The following DDX39B variants were observed in gnomAD, a reference collection of about 807,000 sequenced individuals.
DDX39B encodes the protein spliceosome RNA helicase DDX39B.
A neutral mutation model predicts 46.4 loss-of-function variants in DDX39B; 6 were observed. That is an observed-to-expected ratio of 0.13 (90% CI 0.07 to 0.26). DDX39B has a LOEUF of 0.26. DDX39B is among the 10% of genes least tolerant of loss of function. The probability of loss-of-function intolerance (pLI) is 1.00; values close to 1 mark genes in which losing one functional copy is unlikely to be tolerated. For missense variants in DDX39B, 185 were observed against 553.4 expected (o/e 0.33, Z 6.68); for synonymous variants, 174 against 199.4 (o/e 0.87, Z 1.07).
rs935322154 is a variant in DDX39B, at chr6:31,541,393, T to C, written c.-133+557A>G. 8.9e-5 allele frequency: 33 copies of C among 371,910 alleles called. 1 individual carries two copies. The East Asian group carries it at 2.4e-3, about 27-fold the overall frequency. The allele number at this position is 371,910 out of a possible 1,614,324, so 23.0% of individuals were successfully genotyped here. A position where few individuals can be genotyped will look rare whatever the true frequency, so the allele number is the denominator to read the frequency against. ...CCCGCCCAGGCTTTAACAGGATCTT[T>C]ACCAAGTGGTCTCACATCACTGTTA... On this transcript the variant is annotated intron_variant, in intron 1 of 10. Transcript: ENST00000396172.
chr6:31,530,334 TG>T lies in DDX39B; in HGVS notation c.*99del. 1 of 1,340,740 alleles carries T rather than the reference TG, an allele frequency of 7.5e-7. No individual in the cohort carries two copies. Among genetic ancestry groups the T allele is most frequent in the Non-Finnish European group, 1.0e-6 (1 of 976,850 alleles). The allele number at this position is 1,340,740 out of a possible 1,614,324, so 83.1% of individuals were successfully genotyped here. On this transcript the variant is annotated 3_prime_UTR_variant, in exon 11 of 11. Coordinates refer to ENST00000396172, the MANE Select transcript of DDX39B (RefSeq NM_004640.7). This position sits in a 1 kb window ranked among gnomAD's most constrained non-coding sequence, Gnocchi z 4.5. ...GATGCAAAAGATGGAAGCCATGGGG[TG>T]GGGGCTGTCAGGGGTGGGGGCAGTA...
At position 31,532,909 on chromosome 6, in the gene DDX39B, T is replaced by C; in HGVS notation, c.738A>G (p.Pro246=). 3.9e-6 allele frequency: 2 copies of C among 510,588 alleles called. No homozygotes were observed. Among genetic ancestry groups the C allele is most frequent in the Non-Finnish European group, 6.3e-6 (2 of 316,316 alleles). 31.6% of individuals were successfully genotyped at this position (510,588 alleles called of 1,614,324 possible). ...TCTCATCATCCACGAAGATCTCCAT[T>C]GGCTGGGGGGGAGGAAGGGGGTGGG... ...RPVCRKFMQD[P]MEIFVDDETK... The change falls in exon 7 of 11, where the codon CCA becomes CCG. Residue 246 remains proline, a splice_region_variant and synonymous_variant. Transcript: ENST00000396172.
At chr6:31,541,251 G>A (rs952402826) in intron 1 of DDX39B, 2 of 530,708 alleles carry the variant, frequency 3.8e-6, no homozygotes, top group Admixed American at 1.9e-5. Context: ...AGCAAGCCTT[G>A]TGTAATTAGC....
rs1767118252 is a variant in DDX39B at position 31,531,215 on chromosome 6, T to G, written c.978-18A>C. On this transcript the variant is annotated intron_variant, in intron 8 of 10. Coordinates refer to ENST00000396172, the MANE Select transcript of DDX39B (RefSeq NM_004640.7). This position sits in a 1 kb window ranked among gnomAD's most constrained non-coding sequence, Gnocchi z 5.8. ...GAGAAAGCCTTTGTGAGAAAGGAAA[T>G]TTAAAACATGTTGAGATTCCCTTCT... 6.2e-7 allele frequency: 1 copy of G among 1,614,088 alleles called. No homozygotes were observed. Among genetic ancestry groups the G allele is most frequent in the Non-Finnish European group, 8.5e-7 (1 of 1,179,974 alleles).
intron 1 of DDX39B, 163 bp from the exon 2 acceptor site, chr6:31,540,827 A>C: frequency 2.0e-6 from 1 of 489,138 alleles, no homozygotes. Flanking sequence ...AGAACAGAAA[A>C]AGCAGTACCA....
chr6:31,536,404 C>T (rs777527702), intron 5 of DDX39B, 96 bp downstream of exon 5: 10 of 1,556,246 alleles, frequency 6.4e-6, no homozygotes, highest in East Asian at 4.5e-5. Context: ...AGATAAGAGT[C>T]GTCCTTGCAC....
rs921561491 is a variant in DDX39B at position 31,540,674 on chromosome 6, G to A, written c.-132-10C>T. On this transcript the variant is annotated splice_polypyrimidine_tract_variant and intron_variant, in intron 1 of 10. Transcript: ENST00000396172. ...ATTTCTAACAGAAGAGCTGGAGGGG[G>A]GAAAAAAAAAAGCAAGACTTAATCA... is the stretch of plus-strand genomic sequence containing the variant. 9 of 670,162 alleles carry A rather than the reference G, an allele frequency of 1.3e-5. No homozygotes were observed. Among genetic ancestry groups the A allele is most frequent in the Non-Finnish European group, 1.8e-5 (8 of 434,120 alleles). The allele number at this position is 670,162 out of a possible 1,614,324, so 41.5% of individuals were successfully genotyped here.
Position 31,530,454 on chromosome 6 carries a change from A to C in DDX39B, c.1271-4T>G. ...GTCTTCTACCGTGTCTGTTCAACTG[A>C]GAAGAAAACGTAGCATGGTCAGAAT... On this transcript the variant is annotated splice_polypyrimidine_tract_variant and splice_region_variant and intron_variant, in intron 10 of 10. Transcript: ENST00000396172. The surrounding 1 kb of genome is among the most constrained non-coding windows in gnomAD (Gnocchi z 4.5). The C allele has an allele frequency of 6.2e-7, 1 of 1,610,860 alleles. No homozygotes were observed. The highest frequency in any genetic ancestry group is 8.5e-7 in the Non-Finnish European group (1 of 1,178,924).
At position 31,536,686 on chromosome 6, in the gene DDX39B, G is replaced by A. The variant is rs778473688; in HGVS notation, c.433-3C>T. Reference sequence around the variant, plus strand: ...AGACCACCAAAAAAAACAGCAACCTGCCGAGCCAGAAGCAAAGAGTCTCAA... The same window carrying A: ...AGACCACCAAAAAAAACAGCAACCTACCGAGCCAGAAGCAAAGAGTCTCAA... On this transcript the variant is annotated splice_polypyrimidine_tract_variant and splice_region_variant and intron_variant, in intron 4 of 10. Transcript: ENST00000396172. The A allele has an allele frequency of 1.2e-6, 2 of 1,611,840 alleles. No homozygotes were observed. Among genetic ancestry groups the A allele is most frequent in the Non-Finnish European group, 8.5e-7 (1 of 1,179,696 alleles).
intron 1 of DDX39B, chr6:31,541,106 T>C: frequency 1.9e-6 from 1 of 533,564 alleles, no homozygotes; most frequent in South Asian, 1.4e-5. Context: ...TCAGCAGCCA[T>C]CAGTCAAGGG....
chr6:31,531,172 C>A lies in DDX39B; in HGVS notation c.1003G>T (p.Asp335Tyr). The A allele has an allele frequency of 6.2e-7, 1 of 1,614,224 alleles. No individual in the cohort carries two copies. Among genetic ancestry groups the A allele is most frequent in the Non-Finnish European group, 8.5e-7 (1 of 1,180,042 alleles). Residue 335 changes from aspartate to tyrosine, a missense_variant, in exon 9 of 11, where the codon GAT becomes TAT. Transcript: ENST00000396172. This position sits in a 1 kb window ranked among gnomAD's most constrained non-coding sequence, Gnocchi z 5.8. ...ERLSRYQQFK[D>Y]FQRRILVATN... ...GCCACAAGAATTCGTCGTTGAAAAT[C>A]TTTAAACTGCTGATACCGAGAAAGC...
In DDX39B at chr6:31,535,253, G is replaced by A. The variant is rs1279492949; in HGVS notation, c.735+114C>T. The stretch of plus-strand genomic sequence containing the variant: ...TTCAAGGAGTCATTACTCCCAGTTG[G>A]GCACAAGCCGCCTTCTTGGCACTTG... On this transcript the variant is annotated intron_variant, in intron 6 of 10. Transcript: ENST00000396172. This position sits in a 1 kb window ranked among gnomAD's most constrained non-coding sequence, Gnocchi z 4.6. 6 of 1,002,922 alleles carry A rather than the reference G, an allele frequency of 6.0e-6. No homozygotes were observed. The highest frequency in any genetic ancestry group is 7.9e-6 in the Non-Finnish European group (5 of 634,006). The allele number at this position is 1,002,922 out of a possible 1,614,324, so 62.1% of individuals were successfully genotyped here.
In DDX39B at chr6:31,534,845, GC is replaced by G; in HGVS notation, c.735+521del. On this transcript the variant is annotated intron_variant, in intron 6 of 10. Transcript: ENST00000396172. The surrounding 1 kb of genome is among the most constrained non-coding windows in gnomAD (Gnocchi z 5.1). The stretch of plus-strand genomic sequence containing the variant: ...GGTATCGGGGATTGAGGTGCCAAAG[GC>G]CCCCACCCCTGGAGGTGGGGAAGGG... 3.8e-6 allele frequency: 1 copy of G among 265,950 alleles called. No individual in the cohort carries two copies. Among genetic ancestry groups the G allele is most frequent in the South Asian group, 4.0e-5 (1 of 25,096 alleles). 16.5% of individuals were successfully genotyped at this position (265,950 alleles called of 1,614,324 possible). A position where few individuals can be genotyped will look rare whatever the true frequency, so the allele number is the denominator to read the frequency against.
rs892799566 is a variant in DDX39B, at chr6:31,534,188, CAA to C, written c.735+1177_735+1178del. Reference sequence around the variant, plus strand: ...CCACGCCCGGTTTTTCTGGTAGAGACAAAGTCTCACTACACTGCCCCAGCTAG... The same window carrying C: ...CCACGCCCGGTTTTTCTGGTAGAGACAGTCTCACTACACTGCCCCAGCTAG... On this transcript the variant is annotated intron_variant, in intron 6 of 10. Coordinates refer to ENST00000396172, the MANE Select transcript of DDX39B (RefSeq NM_004640.7). This position sits in a 1 kb window ranked among gnomAD's most constrained non-coding sequence, Gnocchi z 5.1. 58 of 185,592 alleles carry C rather than the reference CAA, an allele frequency of 3.1e-4. No homozygotes were observed. Among genetic ancestry groups the C allele is most frequent in the Middle Eastern group, 4.9e-3 (2 of 408 alleles). The allele number at this position is 185,592 out of a possible 1,614,324, so 11.5% of individuals were successfully genotyped here. A position where few individuals can be genotyped will look rare whatever the true frequency, so the allele number is the denominator to read the frequency against.
Position 31,531,483 on chromosome 6 carries a change from G to A in DDX39B, c.868-78C>T, listed in dbSNP as rs1767154935. 1 of 1,262,730 alleles carries A rather than the reference G, an allele frequency of 7.9e-7. No individual in the cohort carries two copies. The highest frequency in any genetic ancestry group is 1.2e-5 in the South Asian group (1 of 80,192). 78.2% of individuals were successfully genotyped at this position (1,262,730 alleles called of 1,614,324 possible). A position where few individuals can be genotyped will look rare whatever the true frequency, so the allele number is the denominator to read the frequency against. ...TGTGTGAGAGACATTACGTGGGAGA[G>A]GGGAGTTTCTAGTAATTACGTTCTC... On this transcript the variant is annotated intron_variant, in intron 7 of 10. Coordinates refer to ENST00000396172, the MANE Select transcript of DDX39B (RefSeq NM_004640.7). The surrounding 1 kb of genome is among the most constrained non-coding windows in gnomAD (Gnocchi z 5.8).
In DDX39B at chr6:31,534,438, C is replaced by G; in HGVS notation, c.735+929G>C. 1 of 469,924 alleles carries G rather than the reference C, an allele frequency of 2.1e-6. No homozygotes were observed. The highest frequency in any genetic ancestry group is 4.4e-6 in the Non-Finnish European group (1 of 226,636). The allele number at this position is 469,924 out of a possible 1,614,324, so 29.1% of individuals were successfully genotyped here. ...ACACTCCACTGCTTATGCAATTGGC[C>G]CCACCTAGCCCCAAACCCTAACAAC... is the stretch of plus-strand genomic sequence containing the variant. On this transcript the variant is annotated intron_variant, in intron 6 of 10. Transcript: ENST00000396172. This position sits in a 1 kb window ranked among gnomAD's most constrained non-coding sequence, Gnocchi z 5.1.
chr6:31,540,561 G>A lies in DDX39B; in HGVS notation c.-29C>T, dbSNP rs139596338. The A allele has an allele frequency of 6.8e-6, 11 of 1,612,178 alleles. No homozygotes were observed. The highest frequency in any genetic ancestry group is 9.3e-6 in the Non-Finnish European group (11 of 1,179,060). On this transcript the variant is annotated 5_prime_UTR_variant, in exon 2 of 11. Transcript: ENST00000396172. Reference sequence around the variant, plus strand: ...TGGGCCGGCAGGGGAAGAAGGGAAGGGGGATCTGGATGGGTTCTCGCAAAA... The same window carrying A: ...TGGGCCGGCAGGGGAAGAAGGGAAGAGGGATCTGGATGGGTTCTCGCAAAA...
chr6:31,541,252 TG>T, intron 1 of DDX39B: 1 of 530,736 alleles, frequency 1.9e-6, no homozygotes, highest in Non-Finnish European at 3.9e-6. Flanking sequence ...GCAAGCCTTG[TG>T]TAATTAGCAT....
Position 31,536,588 on chromosome 6 carries a change from G to A in DDX39B, c.528C>T (p.Ile176=), listed in dbSNP as rs759729035. 1.2e-6 allele frequency: 2 copies of A among 1,613,114 alleles called. No homozygotes were observed. The highest frequency in any genetic ancestry group is 2.7e-5 in the African/African-American group (2 of 74,882). ...GGCTCTTATTTCGAGCCAGGGCTAG[G>A]ATACGGCCTGGAGTCCCCACGACGA... ...PHIVVGTPGR[I]LALARNKSLN... Residue 176 remains isoleucine, a synonymous_variant, in exon 5 of 11, where the codon ATC becomes ATT. Transcript: ENST00000396172.
Sources: gnomAD v4.1 joint callset for allele counts on GRCh38, gnomAD v4.1.1 for gene constraint, Gnocchi (gnomAD v3.1) non-coding constraint, MANE v1.5 for transcripts, NCBI Gene and HGNC (gene_info 2026-07-23, HGNC 2026-07-21) for gene names.